Variants in FMO3 observed in about 807,000 individuals in gnomAD.
FMO3 encodes the protein flavin containing dimethylaniline monoxygenase 3.
A neutral mutation model predicts 39.4 loss-of-function variants in FMO3; 40 were observed. The observed-to-expected ratio is 1.02, with a 90% CI of 0.79 to 1.32. The LOEUF is 1.32. Ranked by LOEUF, FMO3 falls within the 40% of genes most tolerant of loss-of-function variation. FMO3 has a pLI of 0.00. For missense variants in FMO3, 680 were observed against 651.8 expected, an observed-to-expected ratio of 1.04 and a Z score of -0.47; for synonymous variants, 219 against 228.8, an observed-to-expected ratio of 0.96 and a Z score of 0.39.
At chr1:171,103,662 C>T (rs1005678504) in intron 2 of FMO3, 123 bp from the exon 3 acceptor site, 1 of 809,836 alleles carries the variant, frequency 1.2e-6, no homozygotes, top group Non-Finnish European at 2.2e-6. Context: ...TTTTGGTAAC[C>T]ACGGAGGTCC....
chr1:171,098,378 G>A (rs1655203271), intron 2 of FMO3, among the ~76,000 whole-genome samples: 1 of 152,090 alleles, frequency 6.6e-6, no homozygotes, highest in Admixed American at 6.6e-5. Context: ...AATTACCTTG[G>A]GCAGTATGGC....
At chr1:171,115,058 G>A (rs1416321236) in intron 7 of FMO3, among the ~76,000 whole-genome samples, 4 of 152,136 alleles carry the variant, frequency 2.6e-5, no homozygotes, top group African/African-American at 9.7e-5. Flanking sequence ...ATACAGTTGT[G>A]GGGAGATGCA....
chr1:171,116,954 A>G (rs1656180852), intron 8 of FMO3, 146 bp from the exon 9 acceptor site: 1 of 674,396 alleles, frequency 1.5e-6, no homozygotes, highest in Non-Finnish European at 2.7e-6. Context: ...TTGATGTTGT[A>G]TGTCAGGGTA....
At chr1:171,104,123 A>C in intron 3 of FMO3, 150 bp downstream of exon 3, 1 of 688,086 alleles carries the variant, frequency 1.5e-6, no homozygotes, top group Non-Finnish European at 2.5e-6. Flanking sequence ...TTAGAGAATT[A>C]CCTTCTTCTC....
chr1:171,116,010 A>G (rs1472250336), intron 7 of FMO3, among the ~76,000 whole-genome samples, 198 bp from the exon 8 acceptor site: 2 of 152,238 alleles, frequency 1.3e-5, no homozygotes, highest in Non-Finnish European at 2.9e-5. Context: ...AACCAGTTTA[A>G]GAGCAAAGCT....
At chr1:171,094,682 T>C (rs1019579874) in intron 2 of FMO3, among the ~76,000 whole-genome samples, 1 of 152,206 alleles carries the variant, frequency 6.6e-6, no homozygotes. Flanking sequence ...AAGCACAATG[T>C]ACTGAATAGG....
intron 3 of FMO3, among the ~76,000 whole-genome samples, chr1:171,106,356 T>C (rs1655638750): frequency 6.6e-6 from 1 of 152,138 alleles, no homozygotes. Flanking sequence ...GTCAGGCTGG[T>C]CTCAAACTCC....
intron 7 of FMO3, among the ~76,000 whole-genome samples, chr1:171,115,457 A>C (rs1007857287): frequency 5.3e-5 from 8 of 152,162 alleles, no homozygotes; most frequent in Admixed American, 4.6e-4. Flanking sequence ...ATATCTACAA[A>C]AGCTGTTCAA....
intron 2 of FMO3, chr1:171,100,576 A>G (rs1000858689): frequency 7.2e-5 from 11 of 152,790 alleles, no homozygotes; most frequent in African/African-American, 2.7e-4. Flanking sequence ...CCTGGTCCAT[A>G]TCCAGAGTCT....
chr1:171,103,705 T>A, intron 2 of FMO3, 80 bp from the exon 3 acceptor site: 1 of 1,182,326 alleles, frequency 8.5e-7, no homozygotes, highest in Non-Finnish European at 1.3e-6. Context: ...GGGATGACTG[T>A]AATTACTTGG....
At chr1:171,116,421 C>T (rs549030876) in intron 8 of FMO3, 141 bp downstream of exon 8, 32 of 597,036 alleles carry the variant, frequency 5.4e-5, no homozygotes, top group Non-Finnish European at 8.7e-5. Context: ...ATCCATTCAA[C>T]AAATATTAAT....
rs540579982 is a variant in FMO3 at position 171,106,235 on chromosome 1, G to A, written c.322-1440G>A. Among the ~76,000 whole-genome samples, 11 of 151,950 alleles carry A rather than the reference G, an allele frequency of 7.2e-5. No individual in the cohort carries two copies. In the South Asian group the frequency reaches 2.1e-3, roughly 29 times the overall value. ...GGCTCACCATAACCTCCACCTCCTA[G>A]GTTCAAGTGATTCTCCTGCCTCAGC... On this transcript the variant is annotated intron_variant, in intron 3 of 8. Transcript: ENST00000367755.
intron 2 of FMO3, chr1:171,101,278 T>C (rs1044748298): frequency 1.1e-5 from 5 of 451,640 alleles, no homozygotes; most frequent in African/African-American, 6.0e-5. Flanking sequence ...TGTGAATCAA[T>C]TGCTATTATT....
At chr1:171,114,579 T>C (rs966877714) in intron 7 of FMO3, among the ~76,000 whole-genome samples, 2 of 152,232 alleles carry the variant, frequency 1.3e-5, no homozygotes, top group Non-Finnish European at 2.9e-5. Flanking sequence ...GGAGGCATTT[T>C]GTGACTACAA....
chr1:171,096,424 T>A (rs1655058841), intron 2 of FMO3, among the ~76,000 whole-genome samples: 1 of 102,856 alleles, frequency 9.7e-6, no homozygotes, highest in Non-Finnish European at 1.7e-5. Flanking sequence ...ATGTTATATA[T>A]AATATATATT....
intron 7 of FMO3, among the ~76,000 whole-genome samples, chr1:171,115,695 T>A (rs1329459265): frequency 6.6e-6 from 1 of 152,198 alleles, no homozygotes; most frequent in East Asian, 1.9e-4. Context: ...CAGCCCCAAG[T>A]CAGATCTAGT....
intron 6 of FMO3, among the ~76,000 whole-genome samples, chr1:171,112,231 T>C (rs1655945067): frequency 6.6e-6 from 1 of 152,174 alleles, no homozygotes; most frequent in African/African-American, 2.4e-5. Flanking sequence ...TAGATCATTG[T>C]AAGGACTCTG....
At chr1:171,096,424 TAA>T (rs1471758155) in intron 2 of FMO3, among the ~76,000 whole-genome samples, 2 of 102,856 alleles carry the variant, frequency 1.9e-5, no homozygotes, top group African/African-American at 8.1e-5. Context: ...ATGTTATATA[TAA>T]TATATATTAC....
intron 2 of FMO3, among the ~76,000 whole-genome samples, chr1:171,096,391 A>C (rs1249183494): frequency 9.8e-6 from 1 of 101,578 alleles, no homozygotes; most frequent in Non-Finnish European, 1.7e-5. Context: ...TATATGTTAT[A>C]TATAATTACA....
Sources: allele counts gnomAD v4.1 joint callset (sites outside exome capture counted in the v4.1 genomes callset), GRCh38; gene constraint gnomAD v4.1.1; transcripts MANE v1.5; gene names NCBI Gene and HGNC (gene_info 2026-07-23, HGNC 2026-07-21).